The following DNM3 variants were observed in gnomAD, a reference collection of about 807,000 sequenced individuals.
The protein encoded by DNM3 is dynamin-3.
Under a neutral mutation model 101.6 loss-of-function variants are expected in DNM3, and 47 were observed. That is an observed-to-expected ratio of 0.46 (90% CI 0.37 to 0.59). DNM3 has a LOEUF of 0.59. DNM3 is among the 20% of genes least tolerant of loss of function. DNM3 has a pLI of 0.00. For missense variants in DNM3, 849 were observed against 1,085.7 expected (o/e 0.78, Z 3.06); for synonymous variants, 385 against 387.9 (o/e 0.99, Z 0.09).
chr1:172,364,617 C>G (rs2149018843), intron 17 of DNM3, among the ~76,000 whole-genome samples: 1 of 151,972 alleles, frequency 6.6e-6, no homozygotes, highest in South Asian at 2.1e-4. Flanking sequence ...GAAATATCTA[C>G]CAATCACAGT....
chr1:171,859,313 T>C (rs555701771), intron 1 of DNM3, among the ~76,000 whole-genome samples: 3 of 152,296 alleles, frequency 2.0e-5, no homozygotes, highest in South Asian at 2.1e-4. Flanking sequence ...CTCCTAGGTT[T>C]CTTGTCCCTC....
chr1:171,901,887 T>C (rs763245673), intron 1 of DNM3, among the ~76,000 whole-genome samples: 40 of 152,330 alleles, frequency 2.6e-4, no homozygotes, highest in Admixed American at 1.4e-3. Flanking sequence ...TTGTAGGGCA[T>C]CCAAGGCTTA....
chr1:172,181,666 A>G (rs1217747866), intron 14 of DNM3, among the ~76,000 whole-genome samples: 2 of 152,080 alleles, frequency 1.3e-5, no homozygotes, highest in Non-Finnish European at 2.9e-5. Flanking sequence ...AATCTCACAA[A>G]TTTATGAATG....
chr1:172,235,747 A>C (rs1035317866), intron 14 of DNM3, among the ~76,000 whole-genome samples: 1 of 152,156 alleles, frequency 6.6e-6, no homozygotes, highest in Non-Finnish European at 1.5e-5. Context: ...TCGCAAGGAC[A>C]AAAAACCAAA....
chr1:172,416,349 G>A (rs1414448456), downstream of DNM3, among the ~76,000 whole-genome samples: 1 of 152,044 alleles, frequency 6.6e-6, no homozygotes, highest in East Asian at 1.9e-4. Context: ...AACCCCAACT[G>A]CCCATATCCT....
chr1:172,402,764 C>T (rs1226782845), intron 20 of DNM3, among the ~76,000 whole-genome samples: 2 of 152,158 alleles, frequency 1.3e-5, no homozygotes, highest in Non-Finnish European at 2.9e-5. Context: ...TAACATAAGG[C>T]TAAAACTGCT....
At chr1:172,193,050 C>G (rs561441817) in intron 14 of DNM3, among the ~76,000 whole-genome samples, 27 of 151,690 alleles carry the variant, frequency 1.8e-4, no homozygotes, top group Non-Finnish European at 3.5e-4. Flanking sequence ...TGTTTCCTGA[C>G]TTTTTAATGA....
intron 15 of DNM3, among the ~76,000 whole-genome samples, chr1:172,276,559 G>A (rs1162523222): frequency 6.6e-6 from 1 of 150,480 alleles, no homozygotes; most frequent in African/African-American, 2.4e-5. Context: ...AAATCTTAAT[G>A]TGTGTGTGTG....
chr1:172,174,881 G>A (rs2059100064), intron 14 of DNM3, among the ~76,000 whole-genome samples: 1 of 151,664 alleles, frequency 6.6e-6, no homozygotes, highest in Non-Finnish European at 1.5e-5. Flanking sequence ...TCACAAAATG[G>A]TTCAGAAAGT....
intron 2 of DNM3, among the ~76,000 whole-genome samples, chr1:171,950,390 G>A (rs1372373746): frequency 1.3e-5 from 2 of 152,110 alleles, no homozygotes; most frequent in Non-Finnish European, 2.9e-5. Flanking sequence ...AGTCAACCAT[G>A]AGATCATGAG....
intron 17 of DNM3, among the ~76,000 whole-genome samples, chr1:172,368,755 A>G (rs2068162327): frequency 6.6e-6 from 1 of 151,918 alleles, no homozygotes; most frequent in Non-Finnish European, 1.5e-5. Context: ...AATAAAATCC[A>G]TAATGAAAAA....
chr1:172,225,855 A>G (rs1162028846), intron 14 of DNM3, among the ~76,000 whole-genome samples: 1 of 151,512 alleles, frequency 6.6e-6, no homozygotes, highest in Non-Finnish European at 1.5e-5. Context: ...TATATATGAT[A>G]TATATATGAA....
At chr1:172,105,127 A>G (rs1295795771) in intron 13 of DNM3, among the ~76,000 whole-genome samples, 2 of 152,246 alleles carry the variant, frequency 1.3e-5, no homozygotes, top group Non-Finnish European at 2.9e-5. Context: ...AATCATATGA[A>G]CAGTCCATAC....
chr1:172,358,089 G>A (rs879440973), intron 17 of DNM3, among the ~76,000 whole-genome samples: 7 of 152,066 alleles, frequency 4.6e-5, no homozygotes, highest in South Asian at 2.1e-4. Flanking sequence ...ATCCCAGACC[G>A]CTTTTAATCC....
chr1:172,033,218 A>G lies in DNM3; in HGVS notation c.802A>G (p.Ile268Val), dbSNP rs754778626. 2.5e-6 allele frequency: 4 copies of G among 1,607,358 alleles called. No individual in the cohort carries two copies. Among genetic ancestry groups the G allele is most frequent in the African/African-American group, 2.7e-5 (2 of 74,792 alleles). The change falls in exon 6 of 21, where the codon ATC becomes GTC. Residue 268 changes from isoleucine to valine, a missense_variant. By Grantham distance (29) the Ile-to-Val change is conservative. This residue lies in a region of DNM3 where 388 missense variants were observed against 483.0 expected (regional missense o/e 0.80). Coordinates refer to ENST00000627582, the MANE Select transcript of DNM3 (RefSeq NM_015569.5). ...FFLSHPAYRH[I>V]ADRMGTPHLQ... is the part of the protein sequence containing the mutation. ...CCTTTCCCACCCGGCTTACAGACATATCGCTGACCGAATGGGAACCCCACA... is the reference window on the plus strand; with the variant it reads ...CCTTTCCCACCCGGCTTACAGACATGTCGCTGACCGAATGGGAACCCCACA...
intron 14 of DNM3, among the ~76,000 whole-genome samples, chr1:172,209,455 T>C (rs1443368306): frequency 2.0e-5 from 3 of 152,078 alleles, no homozygotes; most frequent in South Asian, 2.1e-4. Flanking sequence ...TTATACTAGA[T>C]ATGATTCTGG....
At chr1:171,891,224 G>A (rs1269890702) in intron 1 of DNM3, among the ~76,000 whole-genome samples, 1 of 152,036 alleles carries the variant, frequency 6.6e-6, no homozygotes. Context: ...GGGGCTGCAG[G>A]TATAGATTTG....
chr1:172,334,728 GT>G (rs2066342003), intron 17 of DNM3, among the ~76,000 whole-genome samples: 2 of 151,636 alleles, frequency 1.3e-5, no homozygotes, highest in African/African-American at 2.4e-5. Context: ...TGATTTGCTG[GT>G]TTGCCTTAGG....
intron 7 of DNM3, among the ~76,000 whole-genome samples, chr1:172,038,821 G>A (rs928836313): frequency 5.9e-5 from 9 of 151,996 alleles, no homozygotes; most frequent in Admixed American, 1.3e-4. Flanking sequence ...TTCTATGGAT[G>A]TCAATTGTAC....
Sources: gnomAD v4.1 joint callset for allele counts (sites outside exome capture counted in the v4.1 genomes callset) on GRCh38, gnomAD v4.1.1 for gene constraint, gnomAD v4.1.1 regional missense constraint, MANE v1.5 for transcripts, NCBI Gene and HGNC (gene_info 2026-07-23, HGNC 2026-07-21) for gene names.